The following DIS3L2 variants were observed in gnomAD, a reference collection of about 807,000 sequenced individuals.
DIS3L2 encodes DIS3-like exonuclease 2.
A neutral mutation model predicts 97.5 loss-of-function variants in DIS3L2; 34 were observed. The ratio of observed to expected loss-of-function variants is 0.35; its 90% CI spans 0.27 to 0.46. DIS3L2 has a LOEUF of 0.46. Ranked by LOEUF, DIS3L2 falls within the 20% of genes least tolerant of loss-of-function variation. The pLI is 1.00. For synonymous variants in DIS3L2, 435 were observed against 445.2 expected, an observed-to-expected ratio of 0.98 and a Z score of 0.29; for missense variants, 1,038 against 1,146.0, an observed-to-expected ratio of 0.91 and a Z score of 1.36.
chr2:232,117,470 C>G (rs1187609112), intron 6 of DIS3L2, among the ~76,000 whole-genome samples: 1 of 152,140 alleles, frequency 6.6e-6, no homozygotes, highest in African/African-American at 2.4e-5. Context: ...AAGAGTAAAG[C>G]GTAGCATTTT....
intron 5 of DIS3L2, among the ~76,000 whole-genome samples, chr2:232,085,400 A>C (rs931195537): frequency 6.6e-6 from 1 of 152,188 alleles, no homozygotes; most frequent in East Asian, 1.9e-4. Flanking sequence ...TTGTCACCCC[A>C]CTAGGATGTA....
chr2:232,210,799 C>T (rs1360985439), intron 10 of DIS3L2, among the ~76,000 whole-genome samples: 3 of 150,100 alleles, frequency 2.0e-5, no homozygotes, highest in Non-Finnish European at 3.0e-5. Context: ...CACCAAATAA[C>T]GTGATTGAAG....
intron 9 of DIS3L2, among the ~76,000 whole-genome samples, chr2:232,182,828 T>C (rs997585902): frequency 3.9e-5 from 6 of 152,202 alleles, no homozygotes; most frequent in South Asian, 2.1e-4. Context: ...TAAATAGTAA[T>C]ATAATGTGGC....
intron 7 of DIS3L2, among the ~76,000 whole-genome samples, chr2:232,135,831 C>T (rs960017321): frequency 4.0e-5 from 6 of 151,756 alleles, no homozygotes; most frequent in Admixed American, 1.3e-4. Flanking sequence ...AGACTGGCTA[C>T]GGTAGGGAAA....
At chr2:232,330,659 C>T (rs768997251) in intron 15 of DIS3L2, 31 bp from the exon 16 acceptor site, 11 of 1,611,218 alleles carry the variant, frequency 6.8e-6, no homozygotes, top group African/African-American at 5.3e-5. Flanking sequence ...CTGGACCACA[C>T]GTCACATAGG....
intron 5 of DIS3L2, among the ~76,000 whole-genome samples, chr2:232,043,153 A>G (rs1695153529): frequency 6.6e-6 from 1 of 152,202 alleles, no homozygotes; most frequent in Non-Finnish European, 1.5e-5. Context: ...TTTCTTACTC[A>G]TGCTCACTGC....
At chr2:232,142,187 C>G (rs547912725) in intron 8 of DIS3L2, among the ~76,000 whole-genome samples, 1 of 152,160 alleles carries the variant, frequency 6.6e-6, no homozygotes, top group African/African-American at 2.4e-5. Context: ...ACCTGGCCGG[C>G]TAGGAGGCAA....
At chr2:232,336,234 A>G (rs751899484) in intron 20 of DIS3L2, 1 of 1,540,670 alleles carries the variant, frequency 6.5e-7, no homozygotes, top group Non-Finnish European at 8.8e-7. Flanking sequence ...ACGCGGACCC[A>G]GGCCCTCAGG....
intron 1 of DIS3L2, among the ~76,000 whole-genome samples, chr2:231,971,321 C>T (rs559954916): frequency 2.0e-4 from 31 of 151,598 alleles, no homozygotes; most frequent in African/African-American, 7.5e-4. Flanking sequence ...GGCTGGAGTG[C>T]AGTGGCGCGA....
intron 14 of DIS3L2, among the ~76,000 whole-genome samples, chr2:232,305,630 C>T (rs954394490): frequency 1.3e-5 from 2 of 152,112 alleles, no homozygotes; most frequent in Admixed American, 1.3e-4. Context: ...TTACGTGGTT[C>T]ATTTTCTCTT....
intron 5 of DIS3L2, among the ~76,000 whole-genome samples, chr2:232,062,476 G>A (rs1009343148): frequency 1.3e-5 from 2 of 152,120 alleles, no homozygotes; most frequent in East Asian, 3.8e-4. Context: ...TTATTGAAGA[G>A]TAATGTACTA....
At chr2:232,057,751 A>T (rs1202956194) in intron 5 of DIS3L2, among the ~76,000 whole-genome samples, 5 of 152,164 alleles carry the variant, frequency 3.3e-5, no homozygotes, top group Non-Finnish European at 5.9e-5. Flanking sequence ...AAGTTGTAAG[A>T]TAATAAATGT....
At chr2:232,243,768 A>G (rs1693171451) in intron 11 of DIS3L2, among the ~76,000 whole-genome samples, 2 of 152,342 alleles carry the variant, frequency 1.3e-5, no homozygotes, top group Admixed American at 1.3e-4. Flanking sequence ...TGGAGAAGTT[A>G]GCTTCCCACT....
At chr2:232,128,103 A>C (rs1043590212) in intron 6 of DIS3L2, among the ~76,000 whole-genome samples, 2 of 151,980 alleles carry the variant, frequency 1.3e-5, no homozygotes, top group Non-Finnish European at 1.5e-5. Context: ...GGTGTACACC[A>C]TCACACCTGG....
intron 7 of DIS3L2, among the ~76,000 whole-genome samples, chr2:232,134,706 C>T (rs959151149): frequency 5.9e-5 from 9 of 152,084 alleles, no homozygotes; most frequent in African/African-American, 2.2e-4. Context: ...GTGACACACA[C>T]CTGTGGTCCC....
chr2:232,259,793 T>C (rs1693669951), intron 12 of DIS3L2: 1 of 152,004 alleles, frequency 6.6e-6, no homozygotes, highest in African/African-American at 2.4e-5. Context: ...TAATTTTTGT[T>C]TTTGTTTTTG....
intron 10 of DIS3L2, among the ~76,000 whole-genome samples, chr2:232,215,970 C>A (rs552521791): frequency 1.4e-4 from 22 of 152,138 alleles, no homozygotes; most frequent in Non-Finnish European, 2.8e-4. Context: ...CCCCAGCAAT[C>A]ATTCACCCCA....
intron 5 of DIS3L2, among the ~76,000 whole-genome samples, chr2:232,030,962 T>C (rs1036176433): frequency 1.3e-5 from 2 of 152,218 alleles, no homozygotes; most frequent in African/African-American, 4.8e-5. Flanking sequence ...ATACGTGTTA[T>C]AGAGTAGTGA....
intron 12 of DIS3L2, among the ~76,000 whole-genome samples, chr2:232,255,709 C>A (rs1050495691): frequency 2.0e-5 from 3 of 152,178 alleles, no homozygotes; most frequent in Non-Finnish European, 4.4e-5. Flanking sequence ...AAGGGTCTCA[C>A]AATTGATTAG....
Sources: allele counts gnomAD v4.1 joint callset (sites outside exome capture counted in the v4.1 genomes callset), GRCh38; gene constraint gnomAD v4.1.1; transcripts MANE v1.5; gene names NCBI Gene and HGNC (gene_info 2026-07-23, HGNC 2026-07-21).